SLC35G1: variants seen among roughly 807,000 people sequenced by gnomAD.
SLC35G1 encodes the protein solute carrier family 35 member G1.
SLC35G1 carries 10 observed loss-of-function variants against 17.1 expected under a neutral mutation model. The observed-to-expected ratio is 0.59, with a 90% CI of 0.36 to 0.99. The LOEUF is 0.99. Ranked by LOEUF, SLC35G1 falls within the 50% of genes least tolerant of loss-of-function variation. The pLI, the probability that SLC35G1 is intolerant of heterozygous loss-of-function variation, is 0.01. For synonymous variants in SLC35G1, 185 were observed against 181.1 expected, an observed-to-expected ratio of 1.02 and a Z score of -0.18; for missense variants, 433 against 468.4, an observed-to-expected ratio of 0.92 and a Z score of 0.70.
Position 93,900,772 on chromosome 10 carries a change from A to C in SLC35G1, c.380A>C (p.Lys127Thr), listed in dbSNP as rs759631804. ...IYRKTGFIGP[K>T]GQRIFLILRG... ...TACAGAACTGGGTTTATAGGCCCAA[A>C]AGGTCAACGAATTTTCCTCATTCTC... The change falls in exon 3 of 3, where the codon AAA becomes ACA. Residue 127 changes from lysine to threonine, a missense_variant. By Grantham distance (78) the Lys-to-Thr change is moderately conservative. Transcript: ENST00000427197. 4 of 1,605,782 alleles carry C rather than the reference A, an allele frequency of 2.5e-6. No individual in the cohort carries two copies. The South Asian group carries it at 4.4e-5, about 18-fold the overall frequency.
downstream of SLC35G1, among the ~76,000 whole-genome samples, chr10:93,905,170 A>G (rs1190494616): frequency 6.6e-6 from 1 of 152,082 alleles, no homozygotes; most frequent in Non-Finnish European, 1.5e-5. Context: ...TGTACTCAGC[A>G]TGGTTCTTTT....
rs1198886235 is a variant in SLC35G1 at position 93,898,797 on chromosome 10, G to A, written c.359+46G>A. On this transcript the variant is annotated intron_variant, in intron 2 of 2. Coordinates refer to ENST00000427197, the MANE Select transcript of SLC35G1 (RefSeq NM_001134658.3). ...AAGTAGAAGATATTAATAAATGTGT[G>A]TATATCTTTTCACCTGCCTATAATT... The A allele has an allele frequency of 3.3e-6, 5 of 1,533,050 alleles. No individual in the cohort carries two copies. The African/African-American group carries it at 5.6e-5, about 17-fold the overall frequency. 95.0% of individuals were successfully genotyped at this position (1,533,050 alleles called of 1,614,324 possible).
chr10:93,895,795 C>A (rs1281441318), intron 1 of SLC35G1, among the ~76,000 whole-genome samples: 3 of 152,110 alleles, frequency 2.0e-5, no homozygotes, highest in African/African-American at 7.2e-5. Flanking sequence ...ATACAGCTGT[C>A]CCAAGACATC....
At chr10:93,898,468 G>A (rs2060352142) in intron 1 of SLC35G1, 103 bp from the exon 2 acceptor site, 1 of 1,101,188 alleles carries the variant, frequency 9.1e-7, no homozygotes, top group Non-Finnish European at 1.3e-6. Flanking sequence ...AGGTAATAAA[G>A]CCTGTTGACC....
At position 93,901,164 on chromosome 10, in the gene SLC35G1, T is replaced by C; in HGVS notation, c.772T>C (p.Tyr258His). 6.2e-7 allele frequency: 1 copy of C among 1,614,116 alleles called. No individual in the cohort carries two copies. The highest frequency in any genetic ancestry group is 1.1e-5 in the South Asian group (1 of 91,084). The part of the protein sequence containing the change: ...SVDYFLSIWY[Y>H]VVLGLVESVI... Reference sequence around the variant, plus strand: ...GGACTACTTTCTGAGCATTTGGTATTATGTAGTACTTGGCCTCGTTGAAAG... The same window carrying C: ...GGACTACTTTCTGAGCATTTGGTATCATGTAGTACTTGGCCTCGTTGAAAG... Residue 258 changes from tyrosine (Y) to histidine (H), a missense_variant, in exon 3 of 3, where the codon TAT becomes CAT. By Grantham distance (83) the Tyr-to-His change is moderately conservative. Transcript: ENST00000427197.
chr10:93,901,449 G>A lies in SLC35G1; in HGVS notation c.1057G>A (p.Val353Ile). 1.2e-6 allele frequency: 2 copies of A among 1,602,856 alleles called. No homozygotes were observed. The highest frequency in any genetic ancestry group is 1.1e-5 in the South Asian group (1 of 88,414). The change falls in exon 3 of 3, where the codon GTT becomes ATT. Residue 353 changes from valine (V) to isoleucine (I), a missense_variant. By Grantham distance (29) the Val-to-Ile change is conservative. Coordinates refer to ENST00000427197, the MANE Select transcript of SLC35G1 (RefSeq NM_001134658.3). ...TGCTCTCTGCGTAGTAGCCAGTAAT[G>A]TTGGAGCGGCCATTCGTAAATGGTA... The part of the protein sequence containing the change: ...GGALCVVASN[V>I]GAAIRKWYQS...
chr10:93,898,845 C>T, intron 2 of SLC35G1, 94 bp downstream of exon 2: 1 of 1,241,198 alleles, frequency 8.1e-7, no homozygotes, highest in Non-Finnish European at 1.1e-6. Context: ...TTATCCATCT[C>T]ATATACTTAC....
rs1162236652 is a variant in SLC35G1, at chr10:93,903,087, T to C, written c.*1597T>C. 6.6e-6 allele frequency: 1 copy of C among 152,156 alleles called. No individual in the cohort carries two copies. Among genetic ancestry groups the C allele is most frequent in the African/African-American group, 2.4e-5 (1 of 41,420 alleles). 9.4% of individuals were successfully genotyped at this position (152,156 alleles called of 1,614,324 possible). ...TTCCAAAGCAAAGAGGAACTTGGCT[T>C]CTGGGGTTCGTGCCTTAGTGAGAAA... On this transcript the variant is annotated 3_prime_UTR_variant, in exon 3 of 3. Coordinates refer to ENST00000427197, the MANE Select transcript of SLC35G1 (RefSeq NM_001134658.3).
downstream of SLC35G1, among the ~76,000 whole-genome samples, chr10:93,905,506 C>T (rs1384322062): frequency 6.6e-6 from 1 of 152,142 alleles, no homozygotes; most frequent in East Asian, 1.9e-4. Flanking sequence ...CCTCTTTGAA[C>T]ATTAAGTTTG....
chr10:93,899,023 G>A (rs927008582), intron 2 of SLC35G1, among the ~76,000 whole-genome samples: 15 of 152,066 alleles, frequency 9.9e-5, no homozygotes, highest in African/African-American at 3.6e-4. Flanking sequence ...AATTCCTCTT[G>A]TCTTGTATCA....
At position 93,901,724 on chromosome 10, in the gene SLC35G1, G is replaced by A. The variant is rs1396667053; in HGVS notation, c.*234G>A. 1 of 387,424 alleles carries A rather than the reference G, an allele frequency of 2.6e-6. No homozygotes were observed. The highest frequency in any genetic ancestry group is 4.5e-6 in the Non-Finnish European group (1 of 223,380). 24.0% of individuals were successfully genotyped at this position (387,424 alleles called of 1,614,324 possible). A position where few individuals can be genotyped will look rare whatever the true frequency, so the allele number is the denominator to read the frequency against. ...TTGGTTTTTTTTGTTGTTGTTGTTGGGGTCAAGTTGGTGAGAGGAGAGCTC... is the reference window on the plus strand; with the variant it reads ...TTGGTTTTTTTTGTTGTTGTTGTTGAGGTCAAGTTGGTGAGAGGAGAGCTC... On this transcript the variant is annotated 3_prime_UTR_variant, in exon 3 of 3. Coordinates refer to ENST00000427197, the MANE Select transcript of SLC35G1 (RefSeq NM_001134658.3).
At chr10:93,907,455 G>A (rs1037470431), downstream of SLC35G1, 1 of 152,186 alleles carries the variant, frequency 6.6e-6, no homozygotes, top group Non-Finnish European at 1.5e-5. Context: ...GAACTAGCCT[G>A]AATGTCCCTC....
downstream of SLC35G1, chr10:93,903,916 T>C (rs2134072662): frequency 6.6e-6 from 1 of 150,408 alleles, no homozygotes; most frequent in East Asian, 2.0e-4. Context: ...GATTGACCTC[T>C]AGCCATTCAG....
At chr10:93,894,281 T>G (rs1382007161) in intron 1 of SLC35G1, 70 bp downstream of exon 1, 5 of 1,278,280 alleles carry the variant, frequency 3.9e-6, no homozygotes, top group African/African-American at 3.1e-5. Context: ...CGGGTTGGGG[T>G]CCCCGCAACC....
chr10:93,894,030 C>G lies in SLC35G1; in HGVS notation c.-4C>G, dbSNP rs1250271695. The G allele has an allele frequency of 7.1e-7, 1 of 1,417,948 alleles. No individual in the cohort carries two copies. The highest frequency in any genetic ancestry group is 9.1e-7 in the Non-Finnish European group (1 of 1,093,108). 87.8% of individuals were successfully genotyped at this position (1,417,948 alleles called of 1,614,324 possible). ...CCGGCCGCTGGTAGAGCGCGTGCCG[C>G]GAGATGCGGCCTCAGGACAGCACCG... On this transcript the variant is annotated 5_prime_UTR_variant, in exon 1 of 3. Transcript: ENST00000427197.
chr10:93,898,647 C>G lies in SLC35G1; in HGVS notation c.255C>G (p.Gly85=), dbSNP rs774178196. 3.7e-6 allele frequency: 6 copies of G among 1,613,832 alleles called. No individual in the cohort carries two copies. The highest frequency in any genetic ancestry group is 4.2e-6 in the Non-Finnish European group (5 of 1,179,888). Residue 85 remains glycine, a synonymous_variant, in exon 2 of 3, where the codon GGC becomes GGG. Transcript: ENST00000427197. ...TLLSAFLFSV[G]SLFVKKVQDV... is the part of the protein sequence containing the mutation. ...TGTCTGCCTTCCTTTTCTCAGTGGG[C>G]TCTTTATTTGTTAAAAAAGTGCAAG...
chr10:93,900,676 A>T, intron 2 of SLC35G1, 76 bp from the exon 3 acceptor site: 1 of 1,229,318 alleles, frequency 8.1e-7, no homozygotes, highest in East Asian at 2.6e-5. Flanking sequence ...TTTTAAAATA[A>T]TGTTTAATTA....
Position 93,903,513 on chromosome 10 carries a change from A to G in SLC35G1, c.*2023A>G, listed in dbSNP as rs1241950681. The G allele has an allele frequency of 6.6e-6, 1 of 152,204 alleles. No individual in the cohort carries two copies. The highest frequency in any genetic ancestry group is 1.5e-5 in the Non-Finnish European group (1 of 68,034). The allele number at this position is 152,204 out of a possible 1,614,324, so 9.4% of individuals were successfully genotyped here. ...ACCCTCTTCCAGTTCTTTACCTTGC[A>G]CAGTGAAAGAATCAGTGGCACCTAG... On this transcript the variant is annotated 3_prime_UTR_variant, in exon 3 of 3. Coordinates refer to ENST00000427197, the MANE Select transcript of SLC35G1 (RefSeq NM_001134658.3).
At chr10:93,906,000 C>T (rs2060426117), downstream of SLC35G1, among the ~76,000 whole-genome samples, 1 of 152,108 alleles carries the variant, frequency 6.6e-6, no homozygotes, top group African/African-American at 2.4e-5. Flanking sequence ...AACCAGAAGG[C>T]CTGTATCTGA....
Sources: allele counts gnomAD v4.1 joint callset (sites outside exome capture counted in the v4.1 genomes callset), GRCh38; gene constraint gnomAD v4.1.1; transcripts MANE v1.5; gene names NCBI Gene and HGNC (gene_info 2026-07-23, HGNC 2026-07-21).